CUX2: variants seen among roughly 807,000 people sequenced by gnomAD.
The protein encoded by CUX2 is homeobox protein cut-like 2.
Under a neutral mutation model 144.8 loss-of-function variants are expected in CUX2, and 40 were observed. That is an observed-to-expected ratio of 0.28 (90% CI 0.21 to 0.36). The LOEUF is 0.36. Among genes scored for constraint, CUX2 ranks in the 10% least tolerant of loss-of-function variants. The pLI is 1.00. For missense variants in CUX2, 1,615 were observed against 1,994.0 expected (o/e 0.81, Z 3.62); for synonymous variants, 827 against 875.6 (o/e 0.94, Z 0.98).
intron 1 of CUX2, among the ~76,000 whole-genome samples, chr12:111,104,737 G>A (rs748192340): frequency 6.6e-6 from 1 of 152,182 alleles, no homozygotes; most frequent in Non-Finnish European, 1.5e-5. Context: ...TTTAAAGTCC[G>A]TTCCTGGTTA....
chr12:111,139,350 G>T (rs905497759), intron 1 of CUX2, among the ~76,000 whole-genome samples: 2 of 152,118 alleles, frequency 1.3e-5, no homozygotes, highest in African/African-American at 2.4e-5. Flanking sequence ...AAGGAGAGGG[G>T]TATGTGATGG....
intron 1 of CUX2, among the ~76,000 whole-genome samples, chr12:111,085,620 G>C (rs894443360): frequency 1.3e-5 from 2 of 152,238 alleles, no homozygotes; most frequent in African/African-American, 4.8e-5. Flanking sequence ...TGCCCAGAAT[G>C]CTCTTCCCCT....
chr12:111,301,235 A>G (rs189503559), intron 9 of CUX2, among the ~76,000 whole-genome samples: 1 of 152,328 alleles, frequency 6.6e-6, no homozygotes, highest in African/African-American at 2.4e-5. Context: ...CAGCAGATCC[A>G]TATTATTACT....
chr12:111,101,405 C>T (rs928973970), intron 1 of CUX2, among the ~76,000 whole-genome samples: 3 of 152,206 alleles, frequency 2.0e-5, no homozygotes, highest in Non-Finnish European at 2.9e-5. Flanking sequence ...AAAATCCATG[C>T]CTTGCAGGGA....
At position 111,310,219 on chromosome 12, in the gene CUX2, C is replaced by G. The variant is rs1886820244; in HGVS notation, c.1437C>G (p.Ser479=). ...GPDGTRTFSL[S]PFPSLASGER... ...ACGGCACTCGGACTTTCTCGCTGTC[C>G]CCCTTCCCCAGCCTGGCATCAGGGG... Residue 479 remains serine (S), a synonymous_variant, in exon 15 of 22, where the codon TCC becomes TCG. Transcript: ENST00000261726. The surrounding 1 kb of genome is among the most constrained non-coding windows in gnomAD (Gnocchi z 7.9). The G allele has an allele frequency of 6.6e-7, 1 of 1,512,608 alleles. No individual in the cohort carries two copies. The allele number at this position is 1,512,608 out of a possible 1,614,324, so 93.7% of individuals were successfully genotyped here. A position where few individuals can be genotyped will look rare whatever the true frequency, so the allele number is the denominator to read the frequency against.
At chr12:111,282,486 T>C (rs1864558972) in intron 4 of CUX2, among the ~76,000 whole-genome samples, 1 of 150,434 alleles carries the variant, frequency 6.6e-6, no homozygotes, top group African/African-American at 2.4e-5. Flanking sequence ...ATTAGTCAGG[T>C]GTGGTGGCCT....
chr12:111,273,935 T>C (rs1884740512), intron 4 of CUX2, among the ~76,000 whole-genome samples: 1 of 152,216 alleles, frequency 6.6e-6, no homozygotes, highest in Non-Finnish European at 1.5e-5. Flanking sequence ...TCAGTAAATA[T>C]TGAGTGCCTA....
rs1276595277 is a variant in CUX2 at position 111,287,411 on chromosome 12, T to C, written c.302-4007T>C. On this transcript the variant is annotated intron_variant, in intron 4 of 21. Coordinates refer to ENST00000261726, the MANE Select transcript of CUX2 (RefSeq NM_015267.4). This position sits in a 1 kb window ranked among gnomAD's most constrained non-coding sequence, Gnocchi z 4.2. ...CTGACCCCGGCGAGTGCTCGTTGCC[T>C]TTTTTCCTCCTGTCTCAAAAACCGG... Among the ~76,000 whole-genome samples, 1 of 152,250 alleles carries C rather than the reference T, an allele frequency of 6.6e-6. No individual in the cohort carries two copies. Among genetic ancestry groups the C allele is most frequent in the Non-Finnish European group, 1.5e-5 (1 of 68,046 alleles).
In CUX2 at chr12:111,310,444, C is replaced by T. The variant is rs745723076; in HGVS notation, c.1662C>T (p.Asp554=). The T allele has an allele frequency of 5.0e-6, 8 of 1,613,020 alleles. No homozygotes were observed. The highest frequency in any genetic ancestry group is 2.7e-5 in the African/African-American group (2 of 74,942). ...CCGGGGCAGAGGAGGAGCAGCTGGA[C>T]ACGGCAGAGATCGCCTTCCAGGTGA... ...AGPGAEEEQL[D]TAEIAFQVKE... The change falls in exon 15 of 22, where the codon GAC becomes GAT. Residue 554 remains aspartate, a synonymous_variant. Coordinates refer to ENST00000261726, the MANE Select transcript of CUX2 (RefSeq NM_015267.4). This position sits in a 1 kb window ranked among gnomAD's most constrained non-coding sequence, Gnocchi z 7.9.
chr12:111,260,657 T>C (rs1039005410), intron 3 of CUX2, among the ~76,000 whole-genome samples: 1 of 152,114 alleles, frequency 6.6e-6, no homozygotes, highest in Non-Finnish European at 1.5e-5. Flanking sequence ...AAAACTGTCA[T>C]CCTCCTTATA....
At chr12:111,256,430 G>T (rs1255259422) in intron 3 of CUX2, among the ~76,000 whole-genome samples, 1 of 151,944 alleles carries the variant, frequency 6.6e-6, no homozygotes, top group African/African-American at 2.4e-5. Flanking sequence ...GCCTCCTCTC[G>T]CTTGTCCACC....
At chr12:111,036,147 GA>G (rs1374457405) in intron 1 of CUX2, among the ~76,000 whole-genome samples, 1 of 152,266 alleles carries the variant, frequency 6.6e-6, no homozygotes, top group African/African-American at 2.4e-5. Context: ...AGAGGAACCA[GA>G]AGGGCTGGCG....
intron 1 of CUX2, among the ~76,000 whole-genome samples, chr12:111,177,656 G>T (rs1878936885): frequency 6.6e-6 from 1 of 152,248 alleles, no homozygotes; most frequent in African/African-American, 2.4e-5. Flanking sequence ...TTCCCAAAGT[G>T]CTGGGATTAC....
rs1879562001 is a variant in CUX2, at chr12:111,186,788, T to G, written c.64-27412T>G. 6.6e-6 allele frequency among the ~76,000 whole-genome samples: 1 copy of G among 151,860 alleles called. No homozygotes were observed. The highest frequency in any genetic ancestry group is 2.4e-5 in the African/African-American group (1 of 41,272). On this transcript the variant is annotated intron_variant, in intron 1 of 21. Coordinates refer to ENST00000261726, the MANE Select transcript of CUX2 (RefSeq NM_015267.4). This position sits in a 1 kb window ranked among gnomAD's most constrained non-coding sequence, Gnocchi z 4.4. ...ATCGATATGATGTGTGTATGTTTTT[T>G]TTTTTTTTGAGACAGAATTTCACCG...
intron 3 of CUX2, among the ~76,000 whole-genome samples, chr12:111,260,539 T>A (rs77735242): frequency 0.037 from 5,682 of 152,284 alleles, 156 homozygotes; most frequent in African/African-American, 0.072. Flanking sequence ...TATTTTACAC[T>A]TACAACCCAT....
At chr12:111,209,758 C>T (rs1437412838) in intron 1 of CUX2, among the ~76,000 whole-genome samples, 1 of 152,182 alleles carries the variant, frequency 6.6e-6, no homozygotes. Context: ...TTCCTCCAAG[C>T]CCCCGGCTTC....
rs35792441 is a variant in CUX2 at position 111,253,821 on chromosome 12, CT to C, written c.223-9926del. ...AAAATACTGTTTTTTTAGAAACAGC[CT>C]TTTTTTTTTTTTTGAGATGGAGTCT... On this transcript the variant is annotated intron_variant, in intron 3 of 21. Coordinates refer to ENST00000261726, the MANE Select transcript of CUX2 (RefSeq NM_015267.4). 8.5e-3 allele frequency among the ~76,000 whole-genome samples: 1,193 copies of C among 141,114 alleles called. 13 individuals are homozygous for C. Among genetic ancestry groups the C allele is most frequent in the African/African-American group, 0.018 (686 of 38,696 alleles). 92.6% of individuals were successfully genotyped at this position (141,114 alleles called of 152,430 possible).
At chr12:111,112,046 G>A (rs1874003747) in intron 1 of CUX2, among the ~76,000 whole-genome samples, 1 of 152,094 alleles carries the variant, frequency 6.6e-6, no homozygotes. Context: ...CTGATGCTGG[G>A]AGGCCTGGGC....
rs374715486 is a variant in CUX2, at chr12:111,348,054, C to T, written c.4190C>T (p.Ser1397Leu). The T allele has an allele frequency of 5.7e-5, 92 of 1,613,994 alleles. No homozygotes were observed. The highest frequency in any genetic ancestry group is 6.9e-5 in the Non-Finnish European group (82 of 1,180,044). Residue 1397 changes from serine to leucine, a missense_variant, in exon 22 of 22, where the codon TCG becomes TTG. Physicochemically the swap from Ser to Leu is moderately radical, Grantham distance 145. Transcript: ENST00000261726. ...TGCAGCCTGGAGGTGTCACTGAACT[C>T]GCCCTCGGCCGCCTCCTCACCAGGC... ...SRCSLEVSLN[S>L]PSAASSPGLM...
Sources: gnomAD v4.1 joint callset for allele counts (sites outside exome capture counted in the v4.1 genomes callset) on GRCh38, gnomAD v4.1.1 for gene constraint, Gnocchi (gnomAD v3.1) non-coding constraint, MANE v1.5 for transcripts, NCBI Gene and HGNC (gene_info 2026-07-23, HGNC 2026-07-21) for gene names.